The following UBE2J1 variants were observed in gnomAD, a reference collection of about 807,000 sequenced individuals.
UBE2J1 encodes the protein ubiquitin-conjugating enzyme E2 J1.
UBE2J1 carries 17 observed loss-of-function variants against 42.1 expected under a neutral mutation model. The ratio of observed to expected loss-of-function variants is 0.40; its 90% CI spans 0.28 to 0.61. UBE2J1 has a LOEUF of 0.61. UBE2J1 is among the 20% of genes least tolerant of loss of function. UBE2J1 has a pLI of 0.38. For missense variants in UBE2J1, 291 were observed against 389.4 expected (o/e 0.75, Z 2.13); for synonymous variants, 127 against 137.2 (o/e 0.93, Z 0.52).
chr6:89,346,039 C>T (rs1203324803), intron 1 of UBE2J1, among the ~76,000 whole-genome samples: 2 of 151,850 alleles, frequency 1.3e-5, no homozygotes, highest in Non-Finnish European at 2.9e-5. Flanking sequence ...CACAGGCATG[C>T]ACCACCATGC....
chr6:89,345,328 G>A (rs570949166), intron 1 of UBE2J1, among the ~76,000 whole-genome samples: 142 of 152,282 alleles, frequency 9.3e-4, no homozygotes, highest in African/African-American at 3.3e-3. Flanking sequence ...GAGGCCAGGC[G>A]TGGTGGCTCA....
At chr6:89,332,675 G>C (rs1233858942) in intron 7 of UBE2J1, among the ~76,000 whole-genome samples, 1 of 152,196 alleles carries the variant, frequency 6.6e-6, no homozygotes, top group Non-Finnish European at 1.5e-5. Context: ...GTGTTGGACA[G>C]AGCAAGTCTA....
intron 1 of UBE2J1, among the ~76,000 whole-genome samples, chr6:89,347,353 C>A (rs1282020786): frequency 6.6e-6 from 1 of 152,206 alleles, no homozygotes; most frequent in Non-Finnish European, 1.5e-5. Flanking sequence ...TTCCTTCATT[C>A]CTCGTCAACT....
Position 89,352,658 on chromosome 6 carries a change from G to A in UBE2J1, c.-89C>T. On this transcript the variant is annotated 5_prime_UTR_variant, in exon 1 of 8. Transcript: ENST00000435041. ...GCCCGGGTCTCAGCGCGGCTCGGGC[G>A]GACGGGGCCTGGCCGAGGAGCCTCG... 4 of 1,407,522 alleles carry A rather than the reference G, an allele frequency of 2.8e-6. No homozygotes were observed. The South Asian group carries it at 4.2e-5, about 15-fold the overall frequency. The allele number at this position is 1,407,522 out of a possible 1,614,324, so 87.2% of individuals were successfully genotyped here. A position where few individuals can be genotyped will look rare whatever the true frequency, so the allele number is the denominator to read the frequency against.
At chr6:89,332,854 G>C (rs1334929213) in intron 7 of UBE2J1, among the ~76,000 whole-genome samples, 1 of 152,024 alleles carries the variant, frequency 6.6e-6, no homozygotes, top group Non-Finnish European at 1.5e-5. Context: ...AATTCTGGAG[G>C]GACAAGACAA....
At chr6:89,351,203 C>A (rs1198633058) in intron 1 of UBE2J1, among the ~76,000 whole-genome samples, 1 of 150,716 alleles carries the variant, frequency 6.6e-6, no homozygotes, top group African/African-American at 2.4e-5. Flanking sequence ...CTCAGCCTCC[C>A]GAGTGGCTGG....
At position 89,352,595 on chromosome 6, in the gene UBE2J1, C is replaced by G. The variant is rs1260796930; in HGVS notation, c.-26G>C. The G allele has an allele frequency of 4.8e-5, 74 of 1,552,476 alleles. No individual in the cohort carries two copies. Among genetic ancestry groups the G allele is most frequent in the Non-Finnish European group, 6.3e-5 (73 of 1,157,198 alleles). ...GGTGGGTCGCTGGCTTGGCTCCGGC[C>G]TCCCGGGCCGCTGCCACCTCCTCTC... On this transcript the variant is annotated 5_prime_UTR_variant, in exon 1 of 8. Coordinates refer to ENST00000435041, the MANE Select transcript of UBE2J1 (RefSeq NM_016021.3).
intron 2 of UBE2J1, among the ~76,000 whole-genome samples, chr6:89,342,841 C>T (rs1768274343): frequency 6.6e-6 from 1 of 152,072 alleles, no homozygotes; most frequent in Non-Finnish European, 1.5e-5. Flanking sequence ...AAAATTATCC[C>T]TTATAGATGC....
rs562250101 is a variant in UBE2J1 at position 89,332,111 on chromosome 6, G to A, written c.678+975C>T. 3.9e-5 allele frequency among the ~76,000 whole-genome samples: 6 copies of A among 152,140 alleles called. No individual in the cohort carries two copies. The East Asian group carries it at 5.8e-4, about 15-fold the overall frequency. ...TCAAGACTATTCACTCCCACTTTAC[G>A]TACGTTATTGCTGGGTAAAGGGCAA... is the stretch of plus-strand genomic sequence containing the variant. On this transcript the variant is annotated intron_variant, in intron 7 of 7. Coordinates refer to ENST00000435041, the MANE Select transcript of UBE2J1 (RefSeq NM_016021.3).
chr6:89,350,805 A>G (rs530177802), intron 1 of UBE2J1, among the ~76,000 whole-genome samples: 6 of 152,096 alleles, frequency 3.9e-5, no homozygotes, highest in African/African-American at 7.2e-5. Context: ...TCTGACAACA[A>G]TCTCTTGGGT....
At chr6:89,342,485 T>G (rs1178348834) in intron 2 of UBE2J1, 30 bp from the exon 3 acceptor site, 2 of 1,553,626 alleles carry the variant, frequency 1.3e-6, no homozygotes, top group Non-Finnish European at 1.7e-6. Flanking sequence ...CACAAGGAAT[T>G]AATAATATTG....
At position 89,352,691 on chromosome 6, in the gene UBE2J1, C is replaced by T. The variant is rs1768512124; in HGVS notation, c.-122G>A. The T allele has an allele frequency of 1.0e-5, 12 of 1,164,716 alleles. No homozygotes were observed. Among genetic ancestry groups the T allele is most frequent in the Non-Finnish European group, 1.4e-5 (12 of 871,788 alleles). The allele number at this position is 1,164,716 out of a possible 1,614,324, so 72.1% of individuals were successfully genotyped here. On this transcript the variant is annotated 5_prime_UTR_variant, in exon 1 of 8. Transcript: ENST00000435041. Reference sequence around the variant, plus strand: ...CCTGGCCGAGGAGCCTCGGCAAATGCCGCCCAGTCCAGCCTGGACTGCGGG... The same window carrying T: ...CCTGGCCGAGGAGCCTCGGCAAATGTCGCCCAGTCCAGCCTGGACTGCGGG...
chr6:89,334,782 G>A (rs1295474029), intron 6 of UBE2J1, among the ~76,000 whole-genome samples: 1 of 152,066 alleles, frequency 6.6e-6, no homozygotes, highest in Non-Finnish European at 1.5e-5. Context: ...TTTTCTTCTT[G>A]TTGCTTATCT....
intron 1 of UBE2J1, among the ~76,000 whole-genome samples, chr6:89,349,971 A>G (rs747936796): frequency 8.5e-5 from 13 of 152,200 alleles, no homozygotes; most frequent in Non-Finnish European, 7.3e-5. Context: ...AAGTAGCTTG[A>G]TCCATAGACA....
chr6:89,329,711 C>T lies in UBE2J1; in HGVS notation c.925G>A (p.Ala309Thr), dbSNP rs1422060436. ...TCAAAGTCAAATATGTATTCGTTTG[C>T]CAGATATATTCGTCGGAATATAAGA... ...AALIFRRIYL[A>T]NEYIFDFEL is the part of the protein sequence containing the mutation. Residue 309 changes from alanine (A) to threonine (T), a missense_variant, in exon 8 of 8, where the codon GCA becomes ACA. By Grantham distance (58) the Ala-to-Thr change is moderately conservative. This residue lies in a region of UBE2J1 where 176 missense variants were observed against 196.3 expected (regional missense o/e 0.90). Coordinates refer to ENST00000435041, the MANE Select transcript of UBE2J1 (RefSeq NM_016021.3). The T allele has an allele frequency of 5.0e-6, 8 of 1,613,950 alleles. No individual in the cohort carries two copies. Among genetic ancestry groups the T allele is most frequent in the Non-Finnish European group, 6.8e-6 (8 of 1,179,992 alleles).
At chr6:89,340,488 C>A (rs1768223509) in intron 3 of UBE2J1, among the ~76,000 whole-genome samples, 1 of 152,204 alleles carries the variant, frequency 6.6e-6, no homozygotes, top group Non-Finnish European at 1.5e-5. Flanking sequence ...TGCTCCAACT[C>A]TACTGCCAGC....
At chr6:89,332,211 CA>C (rs1025608996) in intron 7 of UBE2J1, among the ~76,000 whole-genome samples, 2 of 151,764 alleles carry the variant, frequency 1.3e-5, no homozygotes, top group Non-Finnish European at 2.9e-5. Context: ...GAAACAACAA[CA>C]AAAAAAATGT....
intron 3 of UBE2J1, among the ~76,000 whole-genome samples, chr6:89,341,445 T>C (rs79039790): frequency 0.015 from 2,323 of 152,322 alleles, 71 homozygotes; most frequent in African/African-American, 0.054. Flanking sequence ...ATTAGATCAA[T>C]AGTTTTCCTT....
chr6:89,327,160 G>A lies in UBE2J1; in HGVS notation c.*2519C>T, dbSNP rs1582475572. On this transcript the variant is annotated 3_prime_UTR_variant, in exon 8 of 8. Transcript: ENST00000435041. ...TTACATAAATTTTGAAAAGTTTATTGGCTTAAACAGTTACAGGTGAAACAG... is the reference window on the plus strand; with the variant it reads ...TTACATAAATTTTGAAAAGTTTATTAGCTTAAACAGTTACAGGTGAAACAG... 6.6e-6 allele frequency: 1 copy of A among 151,200 alleles called. No homozygotes were observed. 9.4% of individuals were successfully genotyped at this position (151,200 alleles called of 1,614,324 possible). A position where few individuals can be genotyped will look rare whatever the true frequency, so the allele number is the denominator to read the frequency against.
Sources: allele counts gnomAD v4.1 joint callset (sites outside exome capture counted in the v4.1 genomes callset), GRCh38; gene constraint gnomAD v4.1.1; regional missense constraint gnomAD v4.1.1; transcripts MANE v1.5; gene names NCBI Gene and HGNC (gene_info 2026-07-23, HGNC 2026-07-21).